CEP120: variants seen among roughly 807,000 people sequenced by gnomAD.
CEP120 encodes centrosomal protein of 120 kDa.
CEP120 carries 113 observed loss-of-function variants against 126.5 expected under a neutral mutation model. The observed-to-expected ratio is 0.89, with a 90% CI of 0.77 to 1.04. CEP120 has a LOEUF of 1.04. CEP120 is among the 50% of genes least tolerant of loss of function. The probability of loss-of-function intolerance (pLI) is 0.00; values close to 1 mark genes in which losing one functional copy is unlikely to be tolerated. For missense variants in CEP120, 1,230 were observed against 1,155.7 expected (o/e 1.06, Z -0.93); for synonymous variants, 400 against 394.3 (o/e 1.01, Z -0.17).
intron 16 of CEP120, among the ~76,000 whole-genome samples, chr5:123,373,228 G>T (rs149751966): frequency 6.6e-6 from 1 of 151,948 alleles, no homozygotes. Flanking sequence ...GCCAACCCAG[G>T]ATTAGGCCCT....
intron 19 of CEP120, among the ~76,000 whole-genome samples, chr5:123,349,722 C>T (rs970112693): frequency 6.6e-6 from 1 of 152,070 alleles, no homozygotes. Flanking sequence ...CTCACTGCAG[C>T]CTGGAACTCC....
intron 19 of CEP120, among the ~76,000 whole-genome samples, chr5:123,348,640 T>C (rs892380355): frequency 1.3e-5 from 2 of 152,216 alleles, no homozygotes; most frequent in Non-Finnish European, 2.9e-5. Flanking sequence ...TTTTCTCCAC[T>C]TCATACATGG....
rs768808217 is a variant in CEP120 at position 123,399,122 on chromosome 5, A to G, written c.612+14T>C. On this transcript the variant is annotated intron_variant, in intron 5 of 19. Coordinates refer to ENST00000306467, the MANE Select transcript of CEP120 (RefSeq NM_001375405.1). Reference sequence around the variant, plus strand: ...AAATTATTCGTAAGTCACCAATCTCATGAAAAGTCTCACCTGTTCCAACTG... The same window carrying G: ...AAATTATTCGTAAGTCACCAATCTCGTGAAAAGTCTCACCTGTTCCAACTG... 1.9e-6 allele frequency: 3 copies of G among 1,564,984 alleles called. No individual in the cohort carries two copies. The Admixed American group carries it at 5.2e-5, about 27-fold the overall frequency.
intron 17 of CEP120, among the ~76,000 whole-genome samples, chr5:123,369,933 G>A (rs1278156896): frequency 6.6e-6 from 1 of 152,000 alleles, no homozygotes; most frequent in Admixed American, 6.6e-5. Context: ...TAAATAGCTG[G>A]TGAAATGATT....
At chr5:123,407,976 G>A (rs532366186) in intron 4 of CEP120, among the ~76,000 whole-genome samples, 1 of 152,150 alleles carries the variant, frequency 6.6e-6, no homozygotes, top group South Asian at 2.1e-4. Flanking sequence ...AAAATCTCAA[G>A]AGAAATTTAA....
chr5:123,399,050 G>T (rs1409014864), intron 5 of CEP120, 86 bp downstream of exon 5: 2 of 1,012,946 alleles, frequency 2.0e-6, no homozygotes, highest in Admixed American at 2.8e-5. Context: ...AAGTCTACTT[G>T]CAAGTCTTTT....
chr5:123,376,217 C>T (rs76867540), intron 16 of CEP120, among the ~76,000 whole-genome samples: 2,812 of 152,076 alleles, frequency 0.018, 42 homozygotes, highest in Middle Eastern at 0.037. Context: ...AAAAATTTGT[C>T]CTAGACTTGA....
chr5:123,397,092 G>A (rs1772841804), intron 5 of CEP120, among the ~76,000 whole-genome samples: 6 of 152,194 alleles, frequency 3.9e-5, no homozygotes, highest in African/African-American at 1.4e-4. Context: ...AGGAGGCCAA[G>A]GCAGGAGGAT....
Position 123,378,798 on chromosome 5 carries a change from G to C in CEP120, c.2104-370C>G, listed in dbSNP as rs145442613. On this transcript the variant is annotated intron_variant, in intron 14 of 19. Transcript: ENST00000306467. ...GTAAGCAACTAAATAGCCAAGTGTG[G>C]AGTCCAGGGAAGAAGTCAGGGATGG... Among the ~76,000 whole-genome samples the C allele has an allele frequency of 7.7e-3, 1,179 of 152,144 alleles. 8 individuals carry two copies. Among genetic ancestry groups the C allele is most frequent in the Non-Finnish European group, 0.01 (707 of 67,984 alleles).
At chr5:123,371,468 A>G (rs1261720855) in intron 17 of CEP120, among the ~76,000 whole-genome samples, 2 of 152,044 alleles carry the variant, frequency 1.3e-5, no homozygotes, top group Admixed American at 6.6e-5. Context: ...CCCATGTTTC[A>G]ATTATCTCCC....
Position 123,372,662 on chromosome 5 carries a change from G to T in CEP120, c.2469C>A (p.Leu823=), listed in dbSNP as rs138075758. ...TTAACATGTGTACCTTTTCCAAGGT[G>T]AGAAGATTTATTTCAGACTGTAGAC... ...EIRLQSEINL[L]TLEKVELERK... The change falls in exon 17 of 20, where the codon CTC becomes CTA. Residue 823 remains leucine (L), a synonymous_variant. Coordinates refer to ENST00000306467, the MANE Select transcript of CEP120 (RefSeq NM_001375405.1). 10 of 1,612,034 alleles carry T rather than the reference G, an allele frequency of 6.2e-6. No homozygotes were observed. In the African/African-American group the frequency reaches 1.3e-4, roughly 22 times the overall value.
intron 10 of CEP120, among the ~76,000 whole-genome samples, chr5:123,385,648 G>C (rs1771970168): frequency 1.4e-5 from 2 of 147,274 alleles, no homozygotes; most frequent in Non-Finnish European, 3.0e-5. Flanking sequence ...ACAGGGTCTT[G>C]GTCTGCCACT....
chr5:123,399,322 T>C (rs751253173), intron 4 of CEP120, 38 bp from the exon 5 acceptor site: 5 of 1,599,552 alleles, frequency 3.1e-6, no homozygotes, highest in Non-Finnish European at 3.4e-6. Flanking sequence ...ACATTGTAGT[T>C]TGTCATAAAC....
chr5:123,420,030 A>C (rs540100753), intron 1 of CEP120, among the ~76,000 whole-genome samples: 8 of 152,164 alleles, frequency 5.3e-5, no homozygotes, highest in Non-Finnish European at 1.0e-4. Flanking sequence ...GTAGGAATTA[A>C]GCTGTTAAAA....
At chr5:123,359,655 T>C (rs1769924769) in intron 18 of CEP120, among the ~76,000 whole-genome samples, 1 of 152,034 alleles carries the variant, frequency 6.6e-6, no homozygotes, top group African/African-American at 2.4e-5. Flanking sequence ...ACTTCCTCGT[T>C]TTCTAAATCA....
chr5:123,401,861 C>A, intron 4 of CEP120: 1 of 1,542,062 alleles, frequency 6.5e-7, no homozygotes, highest in African/African-American at 1.4e-5. Flanking sequence ...GCTCCGCCTC[C>A]AGCTTCAGTT....
chr5:123,382,279 C>G (rs554993637), intron 13 of CEP120, 79 bp from the exon 14 acceptor site: 83 of 680,636 alleles, frequency 1.2e-4, no homozygotes, highest in Non-Finnish European at 1.8e-4. Flanking sequence ...GTTAAATAAC[C>G]GATGCTGATC....
chr5:123,386,011 G>C (rs574466689), intron 10 of CEP120, among the ~76,000 whole-genome samples: 12 of 152,108 alleles, frequency 7.9e-5, no homozygotes, highest in African/African-American at 2.7e-4. Context: ...TTAAAATAAT[G>C]TATAAATTTG....
intron 15 of CEP120, among the ~76,000 whole-genome samples, chr5:123,377,988 G>C (rs140766348): frequency 1.3e-5 from 2 of 152,170 alleles, no homozygotes; most frequent in East Asian, 3.9e-4. Flanking sequence ...CTGAATAGCA[G>C]TTTGAATAGC....
Sources: allele counts gnomAD v4.1 joint callset (sites outside exome capture counted in the v4.1 genomes callset), GRCh38; gene constraint gnomAD v4.1.1; transcripts MANE v1.5; gene names NCBI Gene and HGNC (gene_info 2026-07-23, HGNC 2026-07-21).